Variants in SH3GL2 observed in about 807,000 individuals in gnomAD.
SH3GL2 encodes SH3 domain containing GRB2 like 2, endophilin A1, also known as endophilin-A1.
SH3GL2 carries 24 observed loss-of-function variants against 46.0 expected under a neutral mutation model. That is an observed-to-expected ratio of 0.52 (90% CI 0.38 to 0.73). SH3GL2 has a LOEUF of 0.73. Among genes scored for constraint, SH3GL2 ranks in the 30% least tolerant of loss-of-function variants. The pLI is 0.00. For missense variants in SH3GL2, 413 were observed against 424.2 expected, an observed-to-expected ratio of 0.97 and a Z score of 0.23; for synonymous variants, 196 against 147.1, an observed-to-expected ratio of 1.33 and a Z score of -2.40.
chr9:17,612,414 T>TC (rs2134583423), intron 1 of SH3GL2, among the ~76,000 whole-genome samples: 1 of 152,348 alleles, frequency 6.6e-6, no homozygotes, highest in South Asian at 2.1e-4. Flanking sequence ...CTGCTGAATC[T>TC]CAGACCCTAT....
chr9:17,614,295 GAAAA>G (rs3084628), intron 1 of SH3GL2, among the ~76,000 whole-genome samples: 126 of 70,296 alleles, frequency 1.8e-3, no homozygotes, highest in Middle Eastern at 0.01. Context: ...CATGGTTTCT[GAAAA>G]AAAAAAAAAA....
rs143490426 is a variant in SH3GL2, at chr9:17,676,053, G to A, written c.46-71013G>A. On this transcript the variant is annotated intron_variant, in intron 1 of 8. Coordinates refer to ENST00000380607, the MANE Select transcript of SH3GL2 (RefSeq NM_003026.5). Reference sequence around the variant, plus strand: ...CTTAGAAGCTGTGTGTAACCAAAGGGGGCTGGAGAGTGAGAGAAAGCAAAA... The same window carrying A: ...CTTAGAAGCTGTGTGTAACCAAAGGAGGCTGGAGAGTGAGAGAAAGCAAAA... 1.3e-3 allele frequency among the ~76,000 whole-genome samples: 191 copies of A among 152,324 alleles called. 6 individuals carry two copies. The East Asian group carries it at 0.027, about 22-fold the overall frequency.
chr9:17,705,967 G>C (rs1432528027), intron 1 of SH3GL2, among the ~76,000 whole-genome samples: 1 of 151,950 alleles, frequency 6.6e-6, no homozygotes, highest in African/African-American at 2.4e-5. Flanking sequence ...GAACTTGGTA[G>C]TTCCATCCAA....
chr9:17,669,501 A>G (rs994871573), intron 1 of SH3GL2, among the ~76,000 whole-genome samples: 4 of 152,216 alleles, frequency 2.6e-5, no homozygotes, highest in Non-Finnish European at 4.4e-5. Context: ...TTTTAGTGGC[A>G]TTAGAAAAGC....
At chr9:17,660,412 G>T (rs10738482) in intron 1 of SH3GL2, among the ~76,000 whole-genome samples, 76,972 of 151,992 alleles carry the variant, frequency 0.51, 20,880 homozygotes, top group African/African-American at 0.68. Flanking sequence ...GACTGTTCAT[G>T]CCCATATGTT....
At chr9:17,640,067 G>A (rs1321429773) in intron 1 of SH3GL2, among the ~76,000 whole-genome samples, 1 of 152,008 alleles carries the variant, frequency 6.6e-6, no homozygotes, top group Non-Finnish European at 1.5e-5. Flanking sequence ...GGAGTTATAA[G>A]GTTGTGTGCA....
intron 1 of SH3GL2, among the ~76,000 whole-genome samples, chr9:17,597,134 T>C (rs1228685722): frequency 6.6e-6 from 1 of 152,264 alleles, no homozygotes; most frequent in African/African-American, 2.4e-5. Context: ...TTTTCTTGTG[T>C]AGTAATCTGC....
chr9:17,603,496 A>G lies in SH3GL2; in HGVS notation c.45+24209A>G, dbSNP rs548595680. The stretch of plus-strand genomic sequence containing the variant: ...GGGAGGGCAACTGGGGAGTTGTGTA[A>G]CGGGTACAGAGTTTCAGATGGGAGA... On this transcript the variant is annotated intron_variant, in intron 1 of 8. Transcript: ENST00000380607. Among the ~76,000 whole-genome samples the G allele has an allele frequency of 5.9e-5, 9 of 152,314 alleles. No homozygotes were observed. In the East Asian group the frequency reaches 1.5e-3, roughly 26 times the overall value.
intron 1 of SH3GL2, among the ~76,000 whole-genome samples, chr9:17,601,059 A>G (rs1401864396): frequency 6.6e-6 from 1 of 152,054 alleles, no homozygotes; most frequent in Non-Finnish European, 1.5e-5. Flanking sequence ...ACCATTGTGT[A>G]TGTGCACTAC....
At chr9:17,603,174 G>A (rs1334467578) in intron 1 of SH3GL2, among the ~76,000 whole-genome samples, 1 of 152,088 alleles carries the variant, frequency 6.6e-6, no homozygotes, top group Non-Finnish European at 1.5e-5. Context: ...ATATGTTTTT[G>A]AACATATTTT....
intron 6 of SH3GL2, among the ~76,000 whole-genome samples, 199 bp from the exon 7 acceptor site, chr9:17,791,032 A>G (rs903509020): frequency 2.6e-5 from 4 of 152,188 alleles, no homozygotes; most frequent in Non-Finnish European, 4.4e-5. Context: ...GATTCTAAGC[A>G]TAAGGATGCT....
intron 1 of SH3GL2, among the ~76,000 whole-genome samples, chr9:17,708,058 C>G (rs558413976): frequency 2.0e-5 from 3 of 152,156 alleles, no homozygotes; most frequent in African/African-American, 7.2e-5. Flanking sequence ...CTCTCAGTGT[C>G]TCAATTATGA....
At chr9:17,612,092 A>G (rs1818879825) in intron 1 of SH3GL2, among the ~76,000 whole-genome samples, 1 of 152,178 alleles carries the variant, frequency 6.6e-6, no homozygotes, top group Admixed American at 6.6e-5. Context: ...CAGAGCTGGC[A>G]TAGAAGGCAA....
chr9:17,776,130 A>G (rs752941492), intron 3 of SH3GL2, among the ~76,000 whole-genome samples: 1 of 151,918 alleles, frequency 6.6e-6, no homozygotes, highest in Non-Finnish European at 1.5e-5. Flanking sequence ...AGCAGGGAAC[A>G]CTCATTTTCA....
chr9:17,645,151 C>CTTTTTTTT (rs57611978), intron 1 of SH3GL2, among the ~76,000 whole-genome samples: 8 of 68,780 alleles, frequency 1.2e-4, no homozygotes, highest in South Asian at 4.6e-4. Context: ...GCAAACGCTG[C>CTTTTTTTT]TTTTTTTTTT....
rs371540020 is a variant in SH3GL2, at chr9:17,732,145, A to G, written c.46-14921A>G. Reference sequence around the variant, plus strand: ...GGACTTCATCATATTCTCAACAACAATCATAACAGCACATTAATATTACCC... The same window carrying G: ...GGACTTCATCATATTCTCAACAACAGTCATAACAGCACATTAATATTACCC... On this transcript the variant is annotated intron_variant, in intron 1 of 8. Coordinates refer to ENST00000380607, the MANE Select transcript of SH3GL2 (RefSeq NM_003026.5). Among the ~76,000 whole-genome samples the G allele has an allele frequency of 7.3e-4, 111 of 152,272 alleles. 1 individual carries two copies. In the South Asian group the frequency reaches 0.015, roughly 21 times the overall value.
At chr9:17,588,583 T>C (rs1259360951) in intron 1 of SH3GL2, among the ~76,000 whole-genome samples, 1 of 152,096 alleles carries the variant, frequency 6.6e-6, no homozygotes, top group African/African-American at 2.4e-5. Flanking sequence ...AGAAATCAGC[T>C]CTTTGGTGAC....
chr9:17,680,054 C>T (rs1344085299), intron 1 of SH3GL2, among the ~76,000 whole-genome samples: 2 of 152,222 alleles, frequency 1.3e-5, no homozygotes, highest in African/African-American at 4.8e-5. Flanking sequence ...AGGATTTTTG[C>T]ATCGATGTTC....
At chr9:17,589,210 G>C (rs1324387138) in intron 1 of SH3GL2, 1 of 152,160 alleles carries the variant, frequency 6.6e-6, no homozygotes, top group East Asian at 1.9e-4. Context: ...CTGTCGTCCA[G>C]GCTGGGGTAT....
Sources: allele counts gnomAD v4.1 joint callset (sites outside exome capture counted in the v4.1 genomes callset), GRCh38; gene constraint gnomAD v4.1.1; transcripts MANE v1.5; gene names NCBI Gene and HGNC (gene_info 2026-07-23, HGNC 2026-07-21).